The following ASPM variants were observed in gnomAD, a reference collection of about 807,000 sequenced individuals.
ASPM encodes assembly factor for spindle microtubules.
Under a neutral mutation model 366.4 loss-of-function variants are expected in ASPM, and 256 were observed. The observed-to-expected ratio is 0.70, with a 90% CI of 0.63 to 0.77. The LOEUF (loss-of-function observed/expected upper bound fraction) is 0.77, where lower values mean the gene tolerates loss of function less well. Ranked by LOEUF, ASPM falls within the 30% of genes least tolerant of loss-of-function variation. ASPM has a pLI of 0.00. For missense variants in ASPM, 4,146 were observed against 4,090.4 expected, an observed-to-expected ratio of 1.01 and a Z score of -0.37; for synonymous variants, 1,414 against 1,342.9, an observed-to-expected ratio of 1.05 and a Z score of -1.16.
Position 197,101,244 on chromosome 1 carries a change from AACTGCTTGGGTACGC to A in ASPM, c.7992_8006del (p.Arg2665_Val2669del), listed in dbSNP as rs1339572821. On this transcript the variant is annotated inframe_deletion, in exon 18 of 28. Transcript: ENST00000367409. ...CTCTGTAATAAGACTGTATACAAAT[AACTGCTTGGGTACGC>A]ACTGCAGTTAGTTTTCTGTATCTTC... 1 of 1,612,266 alleles carries A rather than the reference AACTGCTTGGGTACGC, an allele frequency of 6.2e-7. No individual in the cohort carries two copies. Among genetic ancestry groups the A allele is most frequent in the Admixed American group, 1.7e-5 (1 of 59,728 alleles).
Position 197,087,040 on chromosome 1 carries a change from A to G in ASPM, c.10162-68T>C, listed in dbSNP as rs1656613879. On this transcript the variant is annotated intron_variant, in intron 26 of 27. Coordinates refer to ENST00000367409, the MANE Select transcript of ASPM (RefSeq NM_018136.5). ...AAAATTTTATCTCTTTTAGACTAGC[A>G]AAATCAAATATAATAAAAACTATGC... The G allele has an allele frequency of 3.6e-6, 5 of 1,372,838 alleles. No individual in the cohort carries two copies. The Admixed American group carries it at 1.0e-4, about 27-fold the overall frequency. The allele number at this position is 1,372,838 out of a possible 1,614,324, so 85.0% of individuals were successfully genotyped here.
rs1557967356 is a variant in ASPM, at chr1:197,145,871, A to ATATATATATATATATAT, written c.297+269_297+270insATATATATATATATATA. 2.0e-5 allele frequency among the ~76,000 whole-genome samples: 3 copies of ATATATATATATATATAT among 148,444 alleles called. No individual in the cohort carries two copies. The East Asian group carries it at 5.9e-4, about 29-fold the overall frequency. ...ATATATATATATATATATATATAAT[A>ATATATATATATATATAT]TTGACACATATATATATACTCACAC... On this transcript the variant is annotated intron_variant, in intron 1 of 27. Coordinates refer to ENST00000367409, the MANE Select transcript of ASPM (RefSeq NM_018136.5).
rs541796174 is a variant in ASPM, at chr1:197,113,424, C to G, written c.4065+4365G>C. ...TACTGAAGGTAGCATGGCAAAAGGG[C>G]AAGGATGGTCATTTCAGTAAAACAT... On this transcript the variant is annotated intron_variant, in intron 17 of 27. Transcript: ENST00000367409. Among the ~76,000 whole-genome samples, 6 of 152,060 alleles carry G rather than the reference C, an allele frequency of 3.9e-5. No individual in the cohort carries two copies. The East Asian group carries it at 9.7e-4, about 24-fold the overall frequency.
Position 197,103,056 on chromosome 1 carries a change from G to A in ASPM, c.6195C>T (p.Thr2065=), listed in dbSNP as rs1657251458. 6.2e-7 allele frequency: 1 copy of A among 1,612,324 alleles called. No homozygotes were observed. Among genetic ancestry groups the A allele is most frequent in the South Asian group, 1.1e-5 (1 of 91,040 alleles). ...RAYKTKKKYA[T]YRASAIIIQR... is the part of the protein sequence containing the mutation. The stretch of plus-strand genomic sequence containing the variant: ...GAATTATAATAGCTGAAGCTCTATA[G>A]GTTGCATATTTCTTTTTGGTTTTGT... Residue 2065 remains threonine, a synonymous_variant, in exon 18 of 28, where the codon ACC becomes ACT. Coordinates refer to ENST00000367409, the MANE Select transcript of ASPM (RefSeq NM_018136.5).
intron 4 of ASPM, chr1:197,139,252 T>C: frequency 1.1e-6 from 1 of 936,552 alleles, no homozygotes. Flanking sequence ...CTGACCATCC[T>C]TTTACCAACT....
Position 197,138,589 on chromosome 1 carries a change from C to T in ASPM, c.2026+1178G>A, listed in dbSNP as rs190319597. On this transcript the variant is annotated intron_variant, in intron 4 of 27. Coordinates refer to ENST00000367409, the MANE Select transcript of ASPM (RefSeq NM_018136.5). ...CTGGGATCACAGGCATGAGCCACCA[C>T]GCCCCACTAGGAGTTCACACTTTAG... Among the ~76,000 whole-genome samples, 31 of 152,314 alleles carry T rather than the reference C, an allele frequency of 2.0e-4. No homozygotes were observed. The East Asian group carries it at 5.2e-3, about 26-fold the overall frequency.
chr1:197,127,243 T>C (rs1424140365), intron 10 of ASPM, among the ~76,000 whole-genome samples: 1 of 152,200 alleles, frequency 6.6e-6, no homozygotes, highest in Admixed American at 6.5e-5. Context: ...CAGTTGAGTT[T>C]TAGACAACAT....
intron 17 of ASPM, among the ~76,000 whole-genome samples, chr1:197,111,607 C>CA (rs1211670580): frequency 6.6e-6 from 1 of 151,984 alleles, no homozygotes; most frequent in Admixed American, 6.6e-5. Context: ...ATCATTCTAC[C>CA]AAAAAGACAC....
At position 197,104,775 on chromosome 1, in the gene ASPM, AACAAC is replaced by A; in HGVS notation, c.4471_4475del (p.Val1491TyrfsTer16). 1 of 1,597,236 alleles carries A rather than the reference AACAAC, an allele frequency of 6.3e-7. No homozygotes were observed. Among genetic ancestry groups the A allele is most frequent in the African/African-American group, 1.4e-5 (1 of 73,866 alleles). On this transcript the variant is annotated frameshift_variant, in exon 18 of 28. Transcript: ENST00000367409. LOFTEE classifies it high-confidence loss of function. ...AGCACCGAAATCTTTTCTGAATGAT[AACAAC>A]ACAAGATCTAATATAAATATATTTC...
intron 17 of ASPM, among the ~76,000 whole-genome samples, chr1:197,117,422 T>C (rs1657768513): frequency 6.6e-6 from 1 of 152,080 alleles, no homozygotes; most frequent in South Asian, 2.1e-4. Context: ...ATGTGTACAG[T>C]TGTCCCAAAG....
intron 13 of ASPM, among the ~76,000 whole-genome samples, chr1:197,122,991 T>C (rs1443699539): frequency 6.6e-6 from 1 of 152,162 alleles, no homozygotes; most frequent in Non-Finnish European, 1.5e-5. Flanking sequence ...AAGGTTAGTG[T>C]CCTGTGAGCC....
intron 17 of ASPM, among the ~76,000 whole-genome samples, chr1:197,105,539 T>G (rs1397199894): frequency 6.6e-6 from 1 of 151,946 alleles, no homozygotes; most frequent in Non-Finnish European, 1.5e-5. Context: ...TTCCTATGAG[T>G]TTATTTCTGG....
In ASPM at chr1:197,102,463, T is replaced by C. The variant is rs1405858937; in HGVS notation, c.6788A>G (p.His2263Arg). 6 of 1,612,660 alleles carry C rather than the reference T, an allele frequency of 3.7e-6. No individual in the cohort carries two copies. Among genetic ancestry groups the C allele is most frequent in the Admixed American group, 3.3e-5 (2 of 59,792 alleles). Residue 2263 changes from histidine (H) to arginine (R), a missense_variant, in exon 18 of 28, where the codon CAT becomes CGT. By Grantham distance (29) the His-to-Arg change is conservative (BLOSUM62 0). This residue lies in a region of ASPM where 3,624 missense variants were observed against 3,591.7 expected (regional missense o/e 1.01). Coordinates refer to ENST00000367409, the MANE Select transcript of ASPM (RefSeq NM_018136.5). ...KKARRHLKMM[H>R]IAATLIQRRF... Reference sequence around the variant, plus strand: ...CCTCTGAATGAGAGTTGCGGCTATATGCATCATTTTTAAATGTCTTCTAGC... The same window carrying C: ...CCTCTGAATGAGAGTTGCGGCTATACGCATCATTTTTAAATGTCTTCTAGC...
rs561637790 is a variant in ASPM, at chr1:197,100,016, A to AAGC, written c.8820+412_8820+414dup. Among the ~76,000 whole-genome samples the AAGC allele has an allele frequency of 3.5e-3, 535 of 151,874 alleles. 2 individuals are homozygous for AAGC. The highest frequency in any genetic ancestry group is 4.2e-3 in the Non-Finnish European group (282 of 67,780). ...CAGAATAAAGTATGTCTACTAGCCTAAGCAGCAAACAGCTCTGGTTAATAG... is the reference window on the plus strand; with the variant it reads ...CAGAATAAAGTATGTCTACTAGCCTAAGCAGCAGCAAACAGCTCTGGTTAATAG... On this transcript the variant is annotated intron_variant, in intron 18 of 27. Transcript: ENST00000367409.
chr1:197,132,252 A>G (rs775701029), intron 7 of ASPM, 33 bp downstream of exon 7: 5 of 1,506,728 alleles, frequency 3.3e-6, no homozygotes, highest in Non-Finnish European at 4.5e-6. Flanking sequence ...TAATAAAAAA[A>G]TATTATTTTA....
intron 19 of ASPM, 147 bp from the exon 20 acceptor site, chr1:197,094,327 A>T (rs1449735556): frequency 1.7e-6 from 1 of 605,162 alleles, no homozygotes; most frequent in East Asian, 2.8e-5. Context: ...AGTATAATTC[A>T]TAGTTAAGTT....
intron 18 of ASPM, among the ~76,000 whole-genome samples, chr1:197,099,549 A>G (rs190821960): frequency 5.3e-5 from 8 of 151,760 alleles, no homozygotes; most frequent in African/African-American, 1.7e-4. Context: ...TTGATTTCCC[A>G]TTCTGTGTTT....
chr1:197,089,695 T>G lies in ASPM; in HGVS notation c.9984+235A>C, dbSNP rs187867815. 8.7e-4 allele frequency among the ~76,000 whole-genome samples: 133 copies of G among 152,136 alleles called. 1 individual carries two copies. The highest frequency in any genetic ancestry group is 3.1e-3 in the African/African-American group (129 of 41,562). ...ACTTAATAACTTTTAATCATCATTG[T>G]TTTTAATATTATTAATCATCATTGT... On this transcript the variant is annotated intron_variant, in intron 25 of 27. Coordinates refer to ENST00000367409, the MANE Select transcript of ASPM (RefSeq NM_018136.5).
chr1:197,135,003 A>AC, intron 5 of ASPM, 93 bp downstream of exon 5: 1 of 937,256 alleles, frequency 1.1e-6, no homozygotes, highest in Non-Finnish European at 1.6e-6. Flanking sequence ...CATTAATTAT[A>AC]ATAACTATGT....
Sources: gnomAD v4.1 joint callset for allele counts (sites outside exome capture counted in the v4.1 genomes callset) on GRCh38, gnomAD v4.1.1 for gene constraint, gnomAD v4.1.1 regional missense constraint, MANE v1.5 for transcripts, NCBI Gene and HGNC (gene_info 2026-07-23, HGNC 2026-07-21) for gene names.